The following KYNU variants were observed in gnomAD, a reference collection of about 807,000 sequenced individuals.
The protein encoded by KYNU is kynureninase, also known as L-kynurenine hydrolase.
KYNU carries 54 observed loss-of-function variants against 59.2 expected under a neutral mutation model. The ratio of observed to expected loss-of-function variants is 0.91; its 90% CI spans 0.73 to 1.14. KYNU has a LOEUF of 1.14. Among genes scored for constraint, KYNU ranks in the 50% most tolerant of loss-of-function variants. KYNU has a pLI of 0.00. For synonymous variants in KYNU, 177 were observed against 192.0 expected, an observed-to-expected ratio of 0.92 and a Z score of 0.65; for missense variants, 567 against 554.4, an observed-to-expected ratio of 1.02 and a Z score of -0.23.
At chr2:143,010,679 AACCAAAACAGCATGGTACTGGT>A (rs1686064512) in intron 10 of KYNU, among the ~76,000 whole-genome samples, 1 of 148,482 alleles carries the variant, frequency 6.7e-6, no homozygotes, top group African/African-American at 2.5e-5. Context: ...AGCCTACAGT[AACCAAAACAGCATGGTACTGGT>A]ACCAAAACAG....
intron 10 of KYNU, among the ~76,000 whole-genome samples, chr2:143,026,337 C>A (rs1445412477): frequency 6.6e-6 from 1 of 152,216 alleles, no homozygotes; most frequent in African/African-American, 2.4e-5. Flanking sequence ...GGTTTCGACA[C>A]TGAAAATTGT....
intron 2 of KYNU, among the ~76,000 whole-genome samples, chr2:142,886,870 T>A (rs1413107701): frequency 6.6e-6 from 1 of 152,054 alleles, no homozygotes; most frequent in Non-Finnish European, 1.5e-5. Flanking sequence ...CAGAACCCAG[T>A]TTAAAAATAG....
rs374068833 is a variant in KYNU at position 142,881,956 on chromosome 2, C to T, written c.-19-3393C>T. 7.6e-5 allele frequency among the ~76,000 whole-genome samples: 10 copies of T among 131,362 alleles called. No homozygotes were observed. In the East Asian group the frequency reaches 1.1e-3, roughly 15 times the overall value. 86.2% of individuals were successfully genotyped at this position (131,362 alleles called of 152,430 possible). ...TTTTTGTAGAGATGACATCTTGCTA[C>T]GTTGTCCAGACTGGTCTCAAACTCC... is the stretch of plus-strand genomic sequence containing the variant. On this transcript the variant is annotated intron_variant, in intron 1 of 13. Transcript: ENST00000264170.
intron 10 of KYNU, among the ~76,000 whole-genome samples, chr2:142,998,347 G>T (rs568364203): frequency 8.5e-5 from 13 of 152,062 alleles, no homozygotes; most frequent in Non-Finnish European, 1.5e-4. Flanking sequence ...TGCTTTTTAA[G>T]AATCCAAGAT....
At chr2:142,976,558 A>G (rs946426578) in intron 8 of KYNU, among the ~76,000 whole-genome samples, 6 of 152,172 alleles carry the variant, frequency 3.9e-5, no homozygotes, top group African/African-American at 1.2e-4. Context: ...CGCCTTCTCT[A>G]TGCACTTACA....
intron 8 of KYNU, among the ~76,000 whole-genome samples, chr2:142,973,007 A>G (rs929123825): frequency 6.0e-5 from 9 of 149,622 alleles, no homozygotes; most frequent in African/African-American, 1.7e-4. Context: ...ATTTGCCATT[A>G]CATGATTAGT....
At position 143,049,191 on chromosome 2, in the gene KYNU, T is replaced by C. The variant is rs2104933829; in HGVS notation, c.*7019T>C. ...ACTTCATATTTTCTATTTCTTTGAA[T>C]TTCTGGGCTGCATTCTTAAGAATTC... On this transcript the variant is annotated 3_prime_UTR_variant, in exon 14 of 14. Transcript: ENST00000264170. The C allele has an allele frequency of 6.6e-6, 1 of 152,350 alleles. No homozygotes were observed. Among genetic ancestry groups the C allele is most frequent in the Non-Finnish European group, 1.5e-5 (1 of 68,036 alleles). The allele number at this position is 152,350 out of a possible 1,614,324, so 9.4% of individuals were successfully genotyped here.
intron 7 of KYNU, 26 bp from the exon 8 acceptor site, chr2:142,960,598 C>A (rs754589337): frequency 6.2e-7 from 1 of 1,602,664 alleles, no homozygotes; most frequent in East Asian, 2.2e-5. Flanking sequence ...ATCGATATGA[C>A]CTAACTTGTG....
At chr2:142,918,993 C>T (rs188544295) in intron 3 of KYNU, among the ~76,000 whole-genome samples, 1 of 152,314 alleles carries the variant, frequency 6.6e-6, no homozygotes, top group East Asian at 1.9e-4. Context: ...CTTATAATAC[C>T]TAACACAGTA....
At chr2:143,036,034 T>G (rs528486219) in intron 12 of KYNU, among the ~76,000 whole-genome samples, 1 of 152,106 alleles carries the variant, frequency 6.6e-6, no homozygotes, top group East Asian at 1.9e-4. Flanking sequence ...TAGCTAAGAC[T>G]ACAGGGCATG....
At chr2:142,938,024 T>C (rs1055603543) in intron 4 of KYNU, among the ~76,000 whole-genome samples, 8 of 152,206 alleles carry the variant, frequency 5.3e-5, no homozygotes, top group African/African-American at 1.7e-4. Flanking sequence ...TTTTGTAAGA[T>C]AGGAACAAGG....
At chr2:142,933,449 C>T (rs573842593) in intron 4 of KYNU, among the ~76,000 whole-genome samples, 5 of 151,924 alleles carry the variant, frequency 3.3e-5, no homozygotes, top group South Asian at 2.1e-4. Flanking sequence ...GCAAGTAGAG[C>T]GAAGGAGGGA....
intron 8 of KYNU, among the ~76,000 whole-genome samples, chr2:142,977,895 T>C (rs1417635972): frequency 2.0e-5 from 3 of 152,142 alleles, no homozygotes; most frequent in African/African-American, 7.2e-5. Flanking sequence ...ACTTTCAGAA[T>C]AGAAATTCAC....
chr2:142,992,349 G>A (rs1685419567), intron 10 of KYNU, among the ~76,000 whole-genome samples: 1 of 151,402 alleles, frequency 6.6e-6, no homozygotes, highest in African/African-American at 2.4e-5. Flanking sequence ...CTATAAAAGG[G>A]ATGATATTTT....
At chr2:142,969,213 G>A (rs116270379) in intron 8 of KYNU, among the ~76,000 whole-genome samples, 4,941 of 151,650 alleles carry the variant, frequency 0.033, 252 homozygotes, top group African/African-American at 0.11. Context: ...AATATTTTTG[G>A]GTATGCTTAT....
intron 7 of KYNU, chr2:142,958,000 G>T (rs1684225572): frequency 3.2e-6 from 1 of 309,814 alleles, no homozygotes; most frequent in South Asian, 4.1e-5. Flanking sequence ...GGAAAAGGGT[G>T]ACAAATTTAG....
intron 10 of KYNU, among the ~76,000 whole-genome samples, chr2:143,025,553 G>A (rs1020056249): frequency 1.3e-5 from 2 of 151,930 alleles, no homozygotes. Context: ...CTGCTCTCTT[G>A]TATTCTATAC....
chr2:142,956,972 G>T (rs1022331801), intron 6 of KYNU, among the ~76,000 whole-genome samples: 1 of 151,968 alleles, frequency 6.6e-6, no homozygotes, highest in African/African-American at 2.4e-5. Flanking sequence ...GTGAGACCTC[G>T]TCTCTATAAA....
At chr2:143,018,240 C>A (rs1257524146) in intron 10 of KYNU, among the ~76,000 whole-genome samples, 2 of 152,086 alleles carry the variant, frequency 1.3e-5, no homozygotes, top group Non-Finnish European at 2.9e-5. Context: ...AATGGTATTT[C>A]CTAGGTTTTC....
Sources: allele counts gnomAD v4.1 joint callset (sites outside exome capture counted in the v4.1 genomes callset), GRCh38; gene constraint gnomAD v4.1.1; transcripts MANE v1.5; gene names NCBI Gene and HGNC (gene_info 2026-07-23, HGNC 2026-07-21).